The following SMOC2 variants were observed in gnomAD, a reference collection of about 807,000 sequenced individuals.
SMOC2 encodes SPARC related modular calcium binding 2.
A neutral mutation model predicts 61.4 loss-of-function variants in SMOC2; 39 were observed. That is an observed-to-expected ratio of 0.64 (90% CI 0.49 to 0.83). The LOEUF (loss-of-function observed/expected upper bound fraction) is 0.83. Ranked by LOEUF, SMOC2 falls within the 40% of genes least tolerant of loss-of-function variation. SMOC2 has a pLI of 0.00. For synonymous variants in SMOC2, 247 were observed against 239.9 expected (o/e 1.03, Z -0.27); for missense variants, 556 against 592.9 (o/e 0.94, Z 0.65).
At chr6:168,614,823 A>AGCACAGGGCCTCTTCATACTTACAGCCG (rs1786016417) in intron 9 of SMOC2, among the ~76,000 whole-genome samples, 2 of 35,208 alleles carry the variant, frequency 5.7e-5, no homozygotes, top group Non-Finnish European at 1.1e-4. Context: ...ACCTACAGCC[A>AGCACAGGGCCTCTTCATACTTACAGCCG]GCACAGGGCC....
At chr6:168,629,163 A>G (rs532239524) in intron 9 of SMOC2, among the ~76,000 whole-genome samples, 1 of 152,334 alleles carries the variant, frequency 6.6e-6, no homozygotes, top group African/African-American at 2.4e-5. Context: ...AGTTTTGTGC[A>G]CACAATGTGT....
chr6:168,457,421 A>T (rs1269237475), intron 1 of SMOC2, among the ~76,000 whole-genome samples: 1 of 151,940 alleles, frequency 6.6e-6, no homozygotes, highest in Admixed American at 6.6e-5. Flanking sequence ...GACAAACGGC[A>T]CCCACCGACC....
intron 1 of SMOC2, among the ~76,000 whole-genome samples, chr6:168,504,014 TGATTTGA>T (rs770547431): frequency 3.3e-5 from 5 of 152,058 alleles, no homozygotes; most frequent in Non-Finnish European, 7.4e-5. Context: ...GCCAGCACAT[TGATTTGA>T]GAGGCACTGG....
At chr6:168,635,559 A>G (rs117993585) in intron 9 of SMOC2, among the ~76,000 whole-genome samples, 2 of 152,190 alleles carry the variant, frequency 1.3e-5, no homozygotes, top group Non-Finnish European at 2.9e-5. Flanking sequence ...CTTTGAAAGC[A>G]TAAATCTTGC....
At chr6:168,488,337 CTCT>C (rs1165883721) in intron 1 of SMOC2, among the ~76,000 whole-genome samples, 1 of 152,228 alleles carries the variant, frequency 6.6e-6, no homozygotes, top group African/African-American at 2.4e-5. Context: ...TGTCTGTTTT[CTCT>C]TCTTATGAGG....
intron 11 of SMOC2, 40 bp downstream of exon 11, chr6:168,653,268 G>T: frequency 6.3e-7 from 1 of 1,581,154 alleles, no homozygotes; most frequent in Non-Finnish European, 8.6e-7. Context: ...CAGTGGTCAG[G>T]CCCTGAGGCC....
chr6:168,491,909 A>G (rs1403978283), intron 1 of SMOC2, among the ~76,000 whole-genome samples: 1 of 152,150 alleles, frequency 6.6e-6, no homozygotes, highest in Non-Finnish European at 1.5e-5. Flanking sequence ...CGCTAACTAC[A>G]TCGAAATATT....
chr6:168,660,152 G>T (rs993282095), intron 11 of SMOC2, among the ~76,000 whole-genome samples: 1 of 152,106 alleles, frequency 6.6e-6, no homozygotes, highest in Non-Finnish European at 1.5e-5. Context: ...ATTAGATAAA[G>T]AAAATGAAAG....
chr6:168,518,894 T>C (rs1366863309), intron 2 of SMOC2, among the ~76,000 whole-genome samples: 1 of 151,930 alleles, frequency 6.6e-6, no homozygotes, highest in East Asian at 1.9e-4. Flanking sequence ...AGCATGCGTG[T>C]GTGTGCGTGC....
chr6:168,591,835 CAT>C (rs1785187824), intron 7 of SMOC2, among the ~76,000 whole-genome samples: 1 of 142,708 alleles, frequency 7.0e-6, no homozygotes. Context: ...AGAAAAGTGA[CAT>C]ATTTTCATCT....
At chr6:168,450,766 C>T (rs1009817292) in intron 1 of SMOC2, among the ~76,000 whole-genome samples, 2 of 152,154 alleles carry the variant, frequency 1.3e-5, no homozygotes, top group African/African-American at 4.8e-5. Context: ...TATGGTCTTG[C>T]ACAAGCATTT....
intron 9 of SMOC2, among the ~76,000 whole-genome samples, chr6:168,641,774 G>C (rs1186104618): frequency 6.6e-6 from 1 of 152,186 alleles, no homozygotes; most frequent in Non-Finnish European, 1.5e-5. Context: ...CTTCACTGGA[G>C]GAACTTCCTA....
Position 168,523,079 on chromosome 6 carries a change from A to ATTCTTTTTTTTTTTTTTTTTTTTT in SMOC2, c.257-3265_257-3264insCTTTTTTTTTTTTTTTTTTTTTTT, listed in dbSNP as rs551183247. On this transcript the variant is annotated intron_variant, in intron 2 of 12. Transcript: ENST00000356284. ...TTATGTTATTTGTAGTTGTACAGTA[A>ATTCTTTTTTTTTTTTTTTTTTTTT]TTTTTTTTTTTTTTTTTTTTGAGAC... Among the ~76,000 whole-genome samples the ATTCTTTTTTTTTTTTTTTTTTTTT allele has an allele frequency of 3.2e-5, 3 of 93,664 alleles. 1 individual carries two copies. Among genetic ancestry groups the ATTCTTTTTTTTTTTTTTTTTTTTT allele is most frequent in the Non-Finnish European group, 2.2e-5 (1 of 45,380 alleles). The allele number at this position is 93,664 out of a possible 152,430, so 61.4% of individuals were successfully genotyped here.
chr6:168,486,998 G>C (rs1431331263), intron 1 of SMOC2, among the ~76,000 whole-genome samples: 3 of 152,174 alleles, frequency 2.0e-5, no homozygotes, highest in Non-Finnish European at 4.4e-5. Context: ...ACCTTTTGGT[G>C]TAATGATGTC....
chr6:168,541,136 C>A (rs1273174201), intron 4 of SMOC2, among the ~76,000 whole-genome samples: 1 of 152,222 alleles, frequency 6.6e-6, no homozygotes, highest in Non-Finnish European at 1.5e-5. Context: ...TTTGTGGCTT[C>A]TTCCACCAGA....
chr6:168,459,390 G>A (rs891758351), intron 1 of SMOC2, among the ~76,000 whole-genome samples: 2 of 152,180 alleles, frequency 1.3e-5, no homozygotes, highest in African/African-American at 2.4e-5. Flanking sequence ...GAAAGGGGGC[G>A]TTTGCCGCAT....
intron 4 of SMOC2, among the ~76,000 whole-genome samples, chr6:168,529,573 C>G (rs1347630852): frequency 6.6e-6 from 1 of 152,096 alleles, no homozygotes; most frequent in Admixed American, 6.5e-5. Flanking sequence ...GGCTTCCCCT[C>G]CGCACACATG....
chr6:168,612,068 A>C (rs1333202454), intron 9 of SMOC2, among the ~76,000 whole-genome samples: 2 of 152,202 alleles, frequency 1.3e-5, no homozygotes, highest in Non-Finnish European at 2.9e-5. Flanking sequence ...CTTTTTGGCT[A>C]AGTGATACTG....
intron 11 of SMOC2, among the ~76,000 whole-genome samples, chr6:168,659,522 T>TA (rs1787423083): frequency 2.4e-5 from 2 of 83,672 alleles, no homozygotes; most frequent in African/African-American, 4.8e-5. Context: ...AGGTTGTAGG[T>TA]TGGGTGAGGA....
Sources: allele counts gnomAD v4.1 joint callset (sites outside exome capture counted in the v4.1 genomes callset), GRCh38; gene constraint gnomAD v4.1.1; transcripts MANE v1.5; gene names NCBI Gene and HGNC (gene_info 2026-07-23, HGNC 2026-07-21).